Variants in SREK1 observed in about 807,000 individuals in gnomAD.
SREK1 encodes the protein splicing regulatory glutamine/lysine-rich protein 1.
A neutral mutation model predicts 66.5 loss-of-function variants in SREK1; 13 were observed. The observed-to-expected ratio is 0.20, with a 90% CI of 0.13 to 0.31. The LOEUF (loss-of-function observed/expected upper bound fraction) is 0.31, where lower values mean the gene tolerates loss of function less well. Ranked by LOEUF, SREK1 falls within the 10% of genes least tolerant of loss-of-function variation. The pLI, the probability that SREK1 is intolerant of heterozygous loss-of-function variation, is 1.00. For missense variants in SREK1, 607 were observed against 769.6 expected, an observed-to-expected ratio of 0.79 and a Z score of 2.50; for synonymous variants, 265 against 263.5, an observed-to-expected ratio of 1.01 and a Z score of -0.05.
intron 1 of SREK1, among the ~76,000 whole-genome samples, chr5:66,145,796 C>CAT (rs1743139388): frequency 6.9e-6 from 1 of 145,616 alleles, no homozygotes; most frequent in Non-Finnish European, 1.5e-5. Context: ...AATTAGATAA[C>CAT]ACTGTCTCCC....
At chr5:66,145,252 C>A in intron 1 of SREK1, 1 of 769,804 alleles carries the variant, frequency 1.3e-6, no homozygotes, top group Non-Finnish European at 1.6e-6. Context: ...ATTCACAGCT[C>A]GCGGCCACTT....
chr5:66,147,524 A>C (rs27961), intron 1 of SREK1, among the ~76,000 whole-genome samples: 52,578 of 151,896 alleles, frequency 0.35, 10,526 homozygotes, highest in African/African-American at 0.54. Context: ...AGTAACTAAA[A>C]CCTGAAGGGT....
In SREK1 at chr5:66,156,705, A is replaced by C. The variant is rs914615342; in HGVS notation, c.296-2514A>C. 5 of 985,132 alleles carry C rather than the reference A, an allele frequency of 5.1e-6. No homozygotes were observed. In the African/African-American group the frequency reaches 7.0e-5, roughly 14 times the overall value. The allele number at this position is 985,132 out of a possible 1,614,324, so 61.0% of individuals were successfully genotyped here. A position where few individuals can be genotyped will look rare whatever the true frequency, so the allele number is the denominator to read the frequency against. On this transcript the variant is annotated intron_variant, in intron 2 of 11. Coordinates refer to ENST00000334121, the MANE Select transcript of SREK1 (RefSeq NM_001077199.3). ...AGTAAATATAACAATCTGGGAGTAAAGAAGAGCCTTTCATTTTTATGATGG... is the reference window on the plus strand; with the variant it reads ...AGTAAATATAACAATCTGGGAGTAACGAAGAGCCTTTCATTTTTATGATGG...
intron 2 of SREK1, chr5:66,156,042 A>G (rs779955773): frequency 3.9e-6 from 6 of 1,533,574 alleles, no homozygotes; most frequent in South Asian, 3.6e-5. Context: ...TGTTTTCTCT[A>G]TGTGATATTT....
intron 2 of SREK1, chr5:66,156,404 C>G: frequency 8.8e-7 from 1 of 1,131,554 alleles, no homozygotes; most frequent in Non-Finnish European, 1.1e-6. Context: ...TAGTAGAGCT[C>G]AACCTTAAGA....
chr5:66,171,406 G>C (rs1045669981), intron 9 of SREK1, among the ~76,000 whole-genome samples: 1 of 151,970 alleles, frequency 6.6e-6, no homozygotes, highest in Non-Finnish European at 1.5e-5. Flanking sequence ...TTTAAATTTT[G>C]GTCGTGTTTT....
chr5:66,170,158 G>A lies in SREK1; in HGVS notation c.1109G>A (p.Arg370His), dbSNP rs139455105. ...AGGGAGAGACGGAAGTCAAGGAGTCGTTCGCATTCACGGTGAGTTTTAGAG... is the reference window on the plus strand; with the variant it reads ...AGGGAGAGACGGAAGTCAAGGAGTCATTCGCATTCACGGTGAGTTTTAGAG... ...KSRERRKSRS[R>H]SHSRDKRKDT... Residue 370 changes from arginine (R) to histidine (H), a missense_variant, in exon 8 of 12, where the codon CGT becomes CAT. Arg to His is a conservative substitution (Grantham distance 29, BLOSUM62 0). This residue lies in a region of SREK1 where 318 missense variants were observed against 310.3 expected (regional missense o/e 1.02). Coordinates refer to ENST00000334121, the MANE Select transcript of SREK1 (RefSeq NM_001077199.3). 2.5e-4 allele frequency: 398 copies of A among 1,611,186 alleles called. 1 individual carries two copies. The African/African-American group carries it at 4.2e-3, about 17-fold the overall frequency.
chr5:66,153,741 A>T, intron 2 of SREK1, 145 bp downstream of exon 2: 1 of 924,510 alleles, frequency 1.1e-6, no homozygotes, highest in African/African-American at 1.7e-5. Flanking sequence ...AAACCTTTTT[A>T]CCTAATAGTA....
Position 66,164,911 on chromosome 5 carries a change from C to G in SREK1, c.1001+14C>G, listed in dbSNP as rs1358799702. 2 of 1,593,138 alleles carry G rather than the reference C, an allele frequency of 1.3e-6. No individual in the cohort carries two copies. Among genetic ancestry groups the G allele is most frequent in the Non-Finnish European group, 1.7e-6 (2 of 1,169,348 alleles). On this transcript the variant is annotated intron_variant, in intron 7 of 11. Coordinates refer to ENST00000334121, the MANE Select transcript of SREK1 (RefSeq NM_001077199.3). The stretch of plus-strand genomic sequence containing the variant: ...ATCAAAACACAGGTGAGAATTTCTG[C>G]TGTCATATTTAAATTTTATTTTAGT...
chr5:66,147,278 A>G (rs1374454813), intron 1 of SREK1, among the ~76,000 whole-genome samples: 1 of 152,120 alleles, frequency 6.6e-6, no homozygotes, highest in Admixed American at 6.5e-5. Context: ...AATATGTAGA[A>G]TTACTATTAA....
intron 1 of SREK1, among the ~76,000 whole-genome samples, chr5:66,148,467 C>T (rs144740628): frequency 6.0e-4 from 92 of 152,138 alleles, no homozygotes; most frequent in African/African-American, 2.0e-3. Context: ...TTGGTTTCTG[C>T]GTGTACTACC....
chr5:66,163,696 T>C, intron 5 of SREK1, 96 bp from the exon 6 acceptor site: 1 of 1,299,974 alleles, frequency 7.7e-7, no homozygotes, highest in Non-Finnish European at 1.0e-6. Context: ...TTCTGAGATG[T>C]CCTCACGTTT....
At chr5:66,177,750 C>T in intron 11 of SREK1, 92 bp downstream of exon 11, 3 of 1,031,808 alleles carry the variant, frequency 2.9e-6, no homozygotes, top group Non-Finnish European at 4.0e-6. Flanking sequence ...GGAACAGTGT[C>T]TTGTACATTG....
rs756834392 is a variant in SREK1 at position 66,144,528 on chromosome 5, ACCC to A, written c.156_158del (p.Pro53del). 6.4e-7 allele frequency: 1 copy of A among 1,551,336 alleles called. No homozygotes were observed. Among genetic ancestry groups the A allele is most frequent in the South Asian group, 1.2e-5 (1 of 84,092 alleles). On this transcript the variant is annotated inframe_deletion, in exon 1 of 12. Coordinates refer to ENST00000334121, the MANE Select transcript of SREK1 (RefSeq NM_001077199.3). ...GGAGAAATCGAGGAGCTGCGGCTCTACCCCCCGGAGTAAGTGCTGGAGCTCGGC... is the reference window on the plus strand; with the variant it reads ...GGAGAAATCGAGGAGCTGCGGCTCTACCCGGAGTAAGTGCTGGAGCTCGGC...
chr5:66,178,468 A>G (rs1055058329), intron 11 of SREK1, among the ~76,000 whole-genome samples: 4 of 152,166 alleles, frequency 2.6e-5, no homozygotes, highest in Admixed American at 1.3e-4. Flanking sequence ...TCTGTCAGCA[A>G]CATTTATTGA....
At chr5:66,170,404 G>GC (rs1162504028) in intron 8 of SREK1, among the ~76,000 whole-genome samples, 181 bp from the exon 9 acceptor site, 2 of 152,116 alleles carry the variant, frequency 1.3e-5, no homozygotes, top group African/African-American at 4.8e-5. Context: ...AGTTCAGCTT[G>GC]CGTAGTATGA....
At chr5:66,149,267 A>G (rs543321081) in intron 1 of SREK1, among the ~76,000 whole-genome samples, 3 of 152,154 alleles carry the variant, frequency 2.0e-5, no homozygotes, top group Non-Finnish European at 4.4e-5. Flanking sequence ...GGAGAATCGC[A>G]TGAACCCGGG....
intron 9 of SREK1, 104 bp downstream of exon 9, chr5:66,171,051 T>A: frequency 7.6e-7 from 1 of 1,323,940 alleles, no homozygotes; most frequent in Non-Finnish European, 1.0e-6. Flanking sequence ...GTGGAACCTG[T>A]AAAGTAATAT....
At chr5:66,170,471 A>G in intron 8 of SREK1, 114 bp from the exon 9 acceptor site, 1 of 1,310,958 alleles carries the variant, frequency 7.6e-7, no homozygotes, top group East Asian at 2.3e-5. Flanking sequence ...GTATATGTAA[A>G]TGTCTGTAGG....
Sources: gnomAD v4.1 joint callset for allele counts (sites outside exome capture counted in the v4.1 genomes callset) on GRCh38, gnomAD v4.1.1 for gene constraint, gnomAD v4.1.1 regional missense constraint, MANE v1.5 for transcripts, NCBI Gene and HGNC (gene_info 2026-07-23, HGNC 2026-07-21) for gene names.